The following WTIP variants were observed in gnomAD, a reference collection of about 807,000 sequenced individuals.
WTIP encodes the protein WT1 interacting protein, also known as Wilms tumor protein 1-interacting protein.
A neutral mutation model predicts 41.7 loss-of-function variants in WTIP; 23 were observed. That is an observed-to-expected ratio of 0.55 (90% CI 0.40 to 0.78). The LOEUF (loss-of-function observed/expected upper bound fraction) is 0.78, where lower values mean the gene tolerates loss of function less well. WTIP is among the 30% of genes least tolerant of loss of function. The pLI, the probability that WTIP is intolerant of heterozygous loss-of-function variation, is 0.00. For synonymous variants in WTIP, 314 were observed against 269.9 expected, an observed-to-expected ratio of 1.16 and a Z score of -1.60; for missense variants, 619 against 610.5, an observed-to-expected ratio of 1.01 and a Z score of -0.15.
intron 7 of WTIP, among the ~76,000 whole-genome samples, chr19:34,499,678 AC>A (rs2075873953): frequency 7.0e-6 from 1 of 143,278 alleles, no homozygotes; most frequent in African/African-American, 2.6e-5. Context: ...GGCTTCCCAT[AC>A]CCCCTCTGGC....
chr19:34,484,891 C>CTGCAT (rs2075789753), intron 1 of WTIP, among the ~76,000 whole-genome samples: 1 of 145,034 alleles, frequency 6.9e-6, no homozygotes, highest in Non-Finnish European at 1.5e-5. Flanking sequence ...GATCGTGCCA[C>CTGCAT]TGCACTCTGG....
At position 34,482,443 on chromosome 19, in the gene WTIP, G is replaced by A. The variant is rs1469957194; in HGVS notation, c.469G>A (p.Ala157Thr). 2.3e-6 allele frequency: 3 copies of A among 1,313,854 alleles called. No homozygotes were observed. Among genetic ancestry groups the A allele is most frequent in the Non-Finnish European group, 2.9e-6 (3 of 1,031,514 alleles). The allele number at this position is 1,313,854 out of a possible 1,614,324, so 81.4% of individuals were successfully genotyped here. ...CTCCCGGGGCTCGGCCGGCGCCTAC[G>A]CTGACTTCCTCCCGCCCGGCGCCTG... Reference protein sequence around the residue: ...LGSRGSAGAYADFLPPGACPA... With the variant: ...LGSRGSAGAYTDFLPPGACPA... The change falls in exon 1 of 8, where the codon GCT (alanine) becomes ACT (threonine). Residue 157 changes from alanine to threonine, a missense_variant. By Grantham distance (58) the Ala-to-Thr change is moderately conservative (BLOSUM62 0). This residue lies in a region of WTIP where 363 missense variants were observed against 309.0 expected (regional missense o/e 1.17). Coordinates refer to ENST00000590071, the MANE Select transcript of WTIP (RefSeq NM_001080436.2).
rs1022338543 is a variant in WTIP at position 34,506,854 on chromosome 19, G to C, written c.*6585G>C. 1 of 152,068 alleles carries C rather than the reference G, an allele frequency of 6.6e-6. No homozygotes were observed. 9.4% of individuals were successfully genotyped at this position (152,068 alleles called of 1,614,324 possible). A position where few individuals can be genotyped will look rare whatever the true frequency, so the allele number is the denominator to read the frequency against. On this transcript the variant is annotated 3_prime_UTR_variant, in exon 8 of 8. Coordinates refer to ENST00000590071, the MANE Select transcript of WTIP (RefSeq NM_001080436.2). Reference sequence around the variant, plus strand: ...CTCCCTGAAGTAGGTGCTCTTTCCCGTGAAAACTACTTTTTTGGTTTGGTT... The same window carrying C: ...CTCCCTGAAGTAGGTGCTCTTTCCCCTGAAAACTACTTTTTTGGTTTGGTT...
rs1054845085 is a variant in WTIP at position 34,510,076 on chromosome 19, T to C, written c.*9807T>C. Reference sequence around the variant, plus strand: ...GCTGTCAGTGTATCTACCATTCTGATGTTTGGAGGATGGTGGCCTTCTTCT... The same window carrying C: ...GCTGTCAGTGTATCTACCATTCTGACGTTTGGAGGATGGTGGCCTTCTTCT... On this transcript the variant is annotated 3_prime_UTR_variant, in exon 8 of 8. Transcript: ENST00000590071. 2 of 152,350 alleles carry C rather than the reference T, an allele frequency of 1.3e-5. No homozygotes were observed. The highest frequency in any genetic ancestry group is 2.1e-4 in the South Asian group (1 of 4,826). The allele number at this position is 152,350 out of a possible 1,614,324, so 9.4% of individuals were successfully genotyped here. A position where few individuals can be genotyped will look rare whatever the true frequency, so the allele number is the denominator to read the frequency against.
chr19:34,491,935 C>T (rs191244722), intron 2 of WTIP, among the ~76,000 whole-genome samples: 45 of 152,204 alleles, frequency 3.0e-4, no homozygotes, highest in Middle Eastern at 3.4e-3. Flanking sequence ...TGAGCCACCG[C>T]GCCTGGCCCT....
Position 34,501,837 on chromosome 19 carries a change from A to T in WTIP, c.*1568A>T, listed in dbSNP as rs904087773. 3.9e-5 allele frequency: 6 copies of T among 152,714 alleles called. No individual in the cohort carries two copies. The highest frequency in any genetic ancestry group is 1.4e-4 in the African/African-American group (6 of 41,474). The allele number at this position is 152,714 out of a possible 1,614,324, so 9.5% of individuals were successfully genotyped here. The stretch of plus-strand genomic sequence containing the variant: ...CGCTGCATCTTAGAGTGGGGCCTTC[A>T]GCAGGACCAGGGGCCACTTCTTGGA... On this transcript the variant is annotated 3_prime_UTR_variant, in exon 8 of 8. Coordinates refer to ENST00000590071, the MANE Select transcript of WTIP (RefSeq NM_001080436.2).
Position 34,492,281 on chromosome 19 carries a change from A to AT in WTIP, c.770-743dup, listed in dbSNP as rs1241692613. On this transcript the variant is annotated intron_variant, in intron 2 of 7. Coordinates refer to ENST00000590071, the MANE Select transcript of WTIP (RefSeq NM_001080436.2). ...AGACACGTACCACCACGACTGGCTA[A>AT]TTTTTTTTTTTTTCCTAGAGACAGG... Among the ~76,000 whole-genome samples the AT allele has an allele frequency of 5.5e-3, 772 of 140,866 alleles. 19 individuals carry two copies. The highest frequency in any genetic ancestry group is 0.042 in the Admixed American group (593 of 14,084). 92.4% of individuals were successfully genotyped at this position (140,866 alleles called of 152,430 possible).
chr19:34,497,129 C>T (rs1568401921), intron 7 of WTIP, among the ~76,000 whole-genome samples: 1 of 152,170 alleles, frequency 6.6e-6, no homozygotes, highest in Non-Finnish European at 1.5e-5. Flanking sequence ...TCCCAAAGTG[C>T]TAGGATTACA....
At chr19:34,500,102 G>A (rs891690348) in intron 7 of WTIP, 27 bp from the exon 8 acceptor site, 4 of 1,596,604 alleles carry the variant, frequency 2.5e-6, no homozygotes, top group Admixed American at 3.3e-5. Flanking sequence ...TGCTGACTCT[G>A]GGGCTGGGGG....
intron 2 of WTIP, among the ~76,000 whole-genome samples, chr19:34,491,766 T>A (rs1393220550): frequency 3.3e-5 from 5 of 151,938 alleles, no homozygotes; most frequent in African/African-American, 9.7e-5. Flanking sequence ...TGCCTCAGCC[T>A]CCCGAGTAGC....
At chr19:34,490,070 C>G (rs779690862) in intron 1 of WTIP, among the ~76,000 whole-genome samples, 1 of 152,200 alleles carries the variant, frequency 6.6e-6, no homozygotes, top group African/African-American at 2.4e-5. Context: ...GAGACTCTGT[C>G]CCTATTTATA....
intron 1 of WTIP, among the ~76,000 whole-genome samples, chr19:34,483,879 C>T (rs915287307): frequency 1.4e-5 from 2 of 140,688 alleles, no homozygotes; most frequent in African/African-American, 5.2e-5. Context: ...TTTGAGCGTT[C>T]AATGGTGTCA....
Position 34,500,241 on chromosome 19 carries a change from C to G in WTIP, c.1265C>G (p.Ser422Ter). ...LRRLQPGPLP[S>*]PTVHVTEL is the part of the protein sequence containing the mutation. Reference sequence around the variant, plus strand: ...CGCCTCCAACCTGGGCCTCTTCCCTCACCCACTGTGCACGTCACTGAGCTC... The same window carrying G: ...CGCCTCCAACCTGGGCCTCTTCCCTGACCCACTGTGCACGTCACTGAGCTC... Residue 422 changes from serine (S) to a stop codon, truncating the protein, a stop_gained, in exon 8 of 8, where the codon TCA becomes TGA. Coordinates refer to ENST00000590071, the MANE Select transcript of WTIP (RefSeq NM_001080436.2). LOFTEE classifies it high-confidence loss of function. 1 of 1,608,414 alleles carries G rather than the reference C, an allele frequency of 6.2e-7. No individual in the cohort carries two copies. The highest frequency in any genetic ancestry group is 8.5e-7 in the Non-Finnish European group (1 of 1,179,410).
In WTIP at chr19:34,482,277, T is replaced by C; in HGVS notation, c.303T>C (p.Gly101=). The C allele has an allele frequency of 7.6e-7, 1 of 1,314,254 alleles. No homozygotes were observed. Among genetic ancestry groups the C allele is most frequent in the Non-Finnish European group, 9.8e-7 (1 of 1,024,588 alleles). 81.4% of individuals were successfully genotyped at this position (1,314,254 alleles called of 1,614,324 possible). ...ASLAGSDGGG[G]GGSARSSGIS... ...TGGCGGGGTCCGACGGCGGCGGCGG[T>C]GGCGGCAGCGCCCGATCCAGCGGCA... Residue 101 remains glycine, a synonymous_variant, in exon 1 of 8, where the codon GGT becomes GGC. Transcript: ENST00000590071.
Position 34,500,225 on chromosome 19 carries a change from C to T in WTIP, c.1249C>T (p.Pro417Ser), listed in dbSNP as rs1294916426. ...CRRCHLRRLQ[P>S]GPLPSPTVHV... ...TCGTTGCCACCTGCGGCGCCTCCAACCTGGGCCTCTTCCCTCACCCACTGT... is the reference window on the plus strand; with the variant it reads ...TCGTTGCCACCTGCGGCGCCTCCAATCTGGGCCTCTTCCCTCACCCACTGT... The change falls in exon 8 of 8, where the codon CCT becomes TCT. Residue 417 changes from proline to serine, a missense_variant. Transcript: ENST00000590071. 6.2e-7 allele frequency: 1 copy of T among 1,608,074 alleles called. No homozygotes were observed. Among genetic ancestry groups the T allele is most frequent in the Admixed American group, 1.7e-5 (1 of 59,872 alleles).
chr19:34,509,820 G>A lies in WTIP; in HGVS notation c.*9551G>A, dbSNP rs1309710289. The A allele has an allele frequency of 6.6e-6, 1 of 152,140 alleles. No individual in the cohort carries two copies. The highest frequency in any genetic ancestry group is 1.5e-5 in the Non-Finnish European group (1 of 68,016). The allele number at this position is 152,140 out of a possible 1,614,324, so 9.4% of individuals were successfully genotyped here. A position where few individuals can be genotyped will look rare whatever the true frequency, so the allele number is the denominator to read the frequency against. On this transcript the variant is annotated 3_prime_UTR_variant, in exon 8 of 8. Transcript: ENST00000590071. Reference sequence around the variant, plus strand: ...TGGGAGAAATTGGCCAAAACAAAGGGGTTACAGGACCCATGCAAGTCCAAA... The same window carrying A: ...TGGGAGAAATTGGCCAAAACAAAGGAGTTACAGGACCCATGCAAGTCCAAA...
intron 1 of WTIP, among the ~76,000 whole-genome samples, chr19:34,489,121 C>T (rs893055892): frequency 8.2e-5 from 11 of 134,430 alleles, no homozygotes; most frequent in South Asian, 7.3e-4. Context: ...ATCTCTTGAA[C>T]CTGGGTGGTG....
intron 1 of WTIP, 122 bp downstream of exon 1, chr19:34,482,763 T>G: frequency 8.3e-7 from 1 of 1,199,920 alleles, no homozygotes; most frequent in Admixed American, 4.4e-5. Context: ...GGTGCAGCAG[T>G]GCACGGGGTT....
At chr19:34,486,542 T>C (rs532453555) in intron 1 of WTIP, among the ~76,000 whole-genome samples, 9 of 152,192 alleles carry the variant, frequency 5.9e-5, no homozygotes, top group African/African-American at 2.2e-4. Flanking sequence ...TAATATTTTG[T>C]ATTTTTGGTA....
Sources: gnomAD v4.1 joint callset for allele counts (sites outside exome capture counted in the v4.1 genomes callset) on GRCh38, gnomAD v4.1.1 for gene constraint, gnomAD v4.1.1 regional missense constraint, MANE v1.5 for transcripts, NCBI Gene and HGNC (gene_info 2026-07-23, HGNC 2026-07-21) for gene names.